GPR160: variants seen among roughly 807,000 people sequenced by gnomAD.
GPR160 encodes G protein-coupled receptor 160.
A neutral mutation model predicts 2.6 loss-of-function variants in GPR160; 2 were observed. The ratio of observed to expected loss-of-function variants is 0.77; its 90% CI spans 0.32 to 2.44. The LOEUF is 2.44. GPR160 is among the 30% of genes most tolerant of loss of function. GPR160 has a pLI of 0.11. For synonymous variants in GPR160, 130 were observed against 132.2 expected (o/e 0.98, Z 0.12); for missense variants, 351 against 383.6 (o/e 0.91, Z 0.71).
At chr3:170,054,588 C>T (rs1711536960) in intron 2 of GPR160, among the ~76,000 whole-genome samples, 1 of 152,178 alleles carries the variant, frequency 6.6e-6, no homozygotes. Context: ...TCATCCTGTG[C>T]TGAAAACCTG....
chr3:170,063,562 A>AC (rs1316987364), intron 2 of GPR160, among the ~76,000 whole-genome samples: 3 of 149,722 alleles, frequency 2.0e-5, no homozygotes, highest in Non-Finnish European at 3.0e-5. Flanking sequence ...CAAAAAAAAA[A>AC]AAAAAAAAAA....
rs1396319257 is a variant in GPR160, at chr3:170,084,123, T to G, written c.151T>G (p.Cys51Gly). Reference sequence around the variant, plus strand: ...ACTAGGAATGAGAAGAAAAAACACCTGTCAAAATTTTATGGAATATTTTTG... The same window carrying G: ...ACTAGGAATGAGAAGAAAAAACACCGGTCAAAATTTTATGGAATATTTTTG... ...LTLGMRRKNT[C>G]QNFMEYFCIS... Residue 51 changes from cysteine to glycine, a missense_variant, in exon 4 of 4, where the codon TGT becomes GGT. By Grantham distance (159) the Cys-to-Gly change is radical. Transcript: ENST00000355897. 1 of 1,594,118 alleles carries G rather than the reference T, an allele frequency of 6.3e-7. No individual in the cohort carries two copies. The highest frequency in any genetic ancestry group is 8.5e-7 in the Non-Finnish European group (1 of 1,171,014).
intron 2 of GPR160, among the ~76,000 whole-genome samples, chr3:170,073,762 A>G (rs977937191): frequency 3.3e-5 from 5 of 150,574 alleles, no homozygotes; most frequent in Non-Finnish European, 5.9e-5. Flanking sequence ...GTTGGGAGGT[A>G]CTCTTTAAGT....
rs1716269620 is a variant in GPR160, at chr3:170,038,141, G to C, written c.-396G>C. 6.5e-6 allele frequency: 1 copy of C among 152,688 alleles called. No individual in the cohort carries two copies. Among genetic ancestry groups the C allele is most frequent in the Non-Finnish European group, 1.5e-5 (1 of 68,174 alleles). 9.5% of individuals were successfully genotyped at this position (152,688 alleles called of 1,614,324 possible). On this transcript the variant is annotated 5_prime_UTR_variant, in exon 1 of 4. Transcript: ENST00000355897. The surrounding 1 kb of genome is among the most constrained non-coding windows in gnomAD (Gnocchi z 5.3). ...CGAGCTGGGCCCTCGCCCCTCCCTC[G>C]GGCGGTCACCTGGGCACGGGCGCTG... is the stretch of plus-strand genomic sequence containing the variant.
Position 170,038,411 on chromosome 3 carries a change from C to T in GPR160, c.-322+196C>T, listed in dbSNP as rs990874068. Reference sequence around the variant, plus strand: ...TACTTAAGAGATCCAGGAGTGGAGCCCGGACGCCCGAGCCTTCCTGCTTCG... The same window carrying T: ...TACTTAAGAGATCCAGGAGTGGAGCTCGGACGCCCGAGCCTTCCTGCTTCG... On this transcript the variant is annotated intron_variant, in intron 1 of 3. Coordinates refer to ENST00000355897, the MANE Select transcript of GPR160 (RefSeq NM_014373.3). This position sits in a 1 kb window ranked among gnomAD's most constrained non-coding sequence, Gnocchi z 5.3. 1 of 152,196 alleles carries T rather than the reference C, an allele frequency of 6.6e-6. No individual in the cohort carries two copies. Among genetic ancestry groups the T allele is most frequent in the Non-Finnish European group, 1.5e-5 (1 of 68,116 alleles). 9.4% of individuals were successfully genotyped at this position (152,196 alleles called of 1,614,324 possible).
rs773857353 is a variant in GPR160, at chr3:170,085,022, A to T, written c.*33A>T. On this transcript the variant is annotated 3_prime_UTR_variant, in exon 4 of 4. Transcript: ENST00000355897. ...AATTAAAAGTTACAGCTGTCATAAGATCATAATTTTATGAACAGAAAGAAC... is the reference window on the plus strand; with the variant it reads ...AATTAAAAGTTACAGCTGTCATAAGTTCATAATTTTATGAACAGAAAGAAC... The T allele has an allele frequency of 4.3e-6, 5 of 1,175,966 alleles. No homozygotes were observed. The highest frequency in any genetic ancestry group is 5.9e-6 in the Non-Finnish European group (5 of 849,218). The allele number at this position is 1,175,966 out of a possible 1,614,324, so 72.8% of individuals were successfully genotyped here.
chr3:170,065,721 ATACTT>A (rs1712292741), intron 2 of GPR160, among the ~76,000 whole-genome samples: 1 of 152,226 alleles, frequency 6.6e-6, no homozygotes, highest in Non-Finnish European at 1.5e-5. Context: ...AGTAAACTAA[ATACTT>A]AAATTATTTG....
intron 2 of GPR160, among the ~76,000 whole-genome samples, chr3:170,076,570 G>C (rs925927918): frequency 2.6e-5 from 4 of 151,382 alleles, no homozygotes; most frequent in Non-Finnish European, 5.9e-5. Context: ...AGATAACTGT[G>C]TCTCACTCTG....
intron 2 of GPR160, among the ~76,000 whole-genome samples, chr3:170,054,560 C>T (rs1022738713): frequency 5.3e-5 from 8 of 152,298 alleles, no homozygotes; most frequent in East Asian, 3.9e-4. Context: ...CTGCTATCTA[C>T]GCATCTTCAG....
chr3:170,051,574 A>C (rs1235401739), intron 2 of GPR160, among the ~76,000 whole-genome samples: 1 of 152,088 alleles, frequency 6.6e-6, no homozygotes, highest in Non-Finnish European at 1.5e-5. Flanking sequence ...AAAATACAAA[A>C]ATTAGCTGGG....
chr3:170,085,051 G>C lies in GPR160; in HGVS notation c.*62G>C, dbSNP rs1713360249. ...TAATTTTATGAACAGAAAGAACTCAGGACATATTAAAAAATAAACTGAACT... is the reference window on the plus strand; with the variant it reads ...TAATTTTATGAACAGAAAGAACTCACGACATATTAAAAAATAAACTGAACT... On this transcript the variant is annotated 3_prime_UTR_variant, in exon 4 of 4. Coordinates refer to ENST00000355897, the MANE Select transcript of GPR160 (RefSeq NM_014373.3). The C allele has an allele frequency of 1.1e-6, 1 of 878,100 alleles. No homozygotes were observed. The highest frequency in any genetic ancestry group is 2.7e-5 in the South Asian group (1 of 37,442). The allele number at this position is 878,100 out of a possible 1,614,324, so 54.4% of individuals were successfully genotyped here. A position where few individuals can be genotyped will look rare whatever the true frequency, so the allele number is the denominator to read the frequency against.
At chr3:170,082,592 TTTC>T (rs1007644257) in intron 3 of GPR160, among the ~76,000 whole-genome samples, 1 of 151,326 alleles carries the variant, frequency 6.6e-6, no homozygotes, top group African/African-American at 2.5e-5. Context: ...GTTTCGTTTC[TTTC>T]TTGTTTTTTT....
intron 2 of GPR160, among the ~76,000 whole-genome samples, chr3:170,054,937 C>G (rs1987540): frequency 0.48 from 72,919 of 151,756 alleles, 18,077 homozygotes; most frequent in East Asian, 0.76. Context: ...GGGATTACCG[C>G]CATCTGCTAC....
intron 2 of GPR160, among the ~76,000 whole-genome samples, chr3:170,074,697 G>T (rs1183802660): frequency 3.3e-5 from 5 of 151,792 alleles, no homozygotes; most frequent in African/African-American, 1.2e-4. Context: ...TGCCCAGGCT[G>T]GTCTCAAACT....
chr3:170,060,293 A>T (rs560918637), intron 2 of GPR160, among the ~76,000 whole-genome samples: 2 of 152,382 alleles, frequency 1.3e-5, no homozygotes, highest in African/African-American at 4.8e-5. Context: ...CTGCCAGCTC[A>T]TGAAAGCAGA....
At chr3:170,076,174 T>A (rs1339291257) in intron 2 of GPR160, among the ~76,000 whole-genome samples, 2 of 152,046 alleles carry the variant, frequency 1.3e-5, no homozygotes, top group East Asian at 3.8e-4. Flanking sequence ...GGAGGGAGGA[T>A]TGGGTGGCAC....
Position 170,060,255 on chromosome 3 carries a change from T to C in GPR160, c.-192-19519T>C, listed in dbSNP as rs1006340513. ...AACACATTTAATAAAAATAAATCAATGAATCTATAATGTATTTCCAGAAAC... is the reference window on the plus strand; with the variant it reads ...AACACATTTAATAAAAATAAATCAACGAATCTATAATGTATTTCCAGAAAC... On this transcript the variant is annotated intron_variant, in intron 2 of 3. Transcript: ENST00000355897. Among the ~76,000 whole-genome samples, 5 of 152,288 alleles carry C rather than the reference T, an allele frequency of 3.3e-5. No individual in the cohort carries two copies. In the East Asian group the frequency reaches 9.6e-4, roughly 29 times the overall value.
intron 2 of GPR160, among the ~76,000 whole-genome samples, chr3:170,052,782 T>C (rs1717013242): frequency 6.6e-6 from 1 of 152,222 alleles, no homozygotes; most frequent in Admixed American, 6.5e-5. Flanking sequence ...TGTGTTTTGC[T>C]TGAGAATTCT....
intron 2 of GPR160, among the ~76,000 whole-genome samples, chr3:170,064,995 T>G (rs1289518078): frequency 2.0e-5 from 3 of 152,152 alleles, no homozygotes; most frequent in African/African-American, 7.2e-5. Flanking sequence ...CTTCCCCCAG[T>G]CAGCCTGGTG....
Sources: gnomAD v4.1 joint callset for allele counts (sites outside exome capture counted in the v4.1 genomes callset) on GRCh38, gnomAD v4.1.1 for gene constraint, Gnocchi (gnomAD v3.1) non-coding constraint, MANE v1.5 for transcripts, NCBI Gene and HGNC (gene_info 2026-07-23, HGNC 2026-07-21) for gene names.